EEFSEC: variants seen among roughly 807,000 people sequenced by gnomAD.
EEFSEC encodes selenocysteine-specific elongation factor.
In EEFSEC, 43 loss-of-function variants were observed where a neutral mutation model predicts 42.1. The ratio of observed to expected loss-of-function variants is 1.02; its 90% confidence interval spans 0.80 to 1.32. The LOEUF is 1.32. EEFSEC is among the 40% of genes most tolerant of loss of function. The pLI, the probability that EEFSEC is intolerant of heterozygous loss-of-function variation, is 0.00. For synonymous variants in EEFSEC, 354 were observed against 339.1 expected (o/e 1.04, Z -0.48); for missense variants, 745 against 803.6 (o/e 0.93, Z 0.88).
chr3:128,295,165 G>C (rs1167939363), intron 4 of EEFSEC, among the ~76,000 whole-genome samples: 2 of 152,146 alleles, frequency 1.3e-5, no homozygotes, highest in East Asian at 3.9e-4. Context: ...CTGATTCCAG[G>C]CACCCCCAAA....
At chr3:128,295,134 G>A (rs2066689051) in intron 4 of EEFSEC, among the ~76,000 whole-genome samples, 2 of 152,168 alleles carry the variant, frequency 1.3e-5, no homozygotes, top group Admixed American at 6.5e-5. Flanking sequence ...AACAAAAAGA[G>A]GCCAATGCAA....
chr3:128,171,888 A>G (rs2065303111), intron 1 of EEFSEC, among the ~76,000 whole-genome samples: 1 of 152,190 alleles, frequency 6.6e-6, no homozygotes, highest in Non-Finnish European at 1.5e-5. Context: ...AAAAAATGAT[A>G]TGTTTAAAAA....
chr3:128,380,173 C>A (rs915361174), intron 6 of EEFSEC, among the ~76,000 whole-genome samples: 2 of 152,200 alleles, frequency 1.3e-5, no homozygotes, highest in Non-Finnish European at 2.9e-5. Flanking sequence ...GTGGGCACCC[C>A]GATACCCACT....
chr3:128,406,057 C>T (rs555988157), intron 6 of EEFSEC, among the ~76,000 whole-genome samples: 1 of 152,348 alleles, frequency 6.6e-6, no homozygotes, highest in Admixed American at 6.5e-5. Flanking sequence ...CCACCAGGAC[C>T]CCCCAGTGGG....
chr3:128,177,117 C>T (rs1258139408), intron 1 of EEFSEC, among the ~76,000 whole-genome samples: 2 of 152,020 alleles, frequency 1.3e-5, no homozygotes, highest in Non-Finnish European at 2.9e-5. Flanking sequence ...CTGCCTCAGC[C>T]TCCTAGGTAG....
At chr3:128,315,903 G>A (rs1291730913) in intron 4 of EEFSEC, among the ~76,000 whole-genome samples, 1 of 152,148 alleles carries the variant, frequency 6.6e-6, no homozygotes, top group Non-Finnish European at 1.5e-5. Context: ...TATTTCTGAT[G>A]CATTCTGGTA....
At chr3:128,172,151 G>C (rs1430597734) in intron 1 of EEFSEC, among the ~76,000 whole-genome samples, 1 of 152,190 alleles carries the variant, frequency 6.6e-6, no homozygotes, top group African/African-American at 2.4e-5. Context: ...TGCAAGAATT[G>C]GGATCTCATA....
intron 2 of EEFSEC, among the ~76,000 whole-genome samples, chr3:128,251,746 T>A (rs2066189390): frequency 6.6e-6 from 1 of 152,200 alleles, no homozygotes; most frequent in Admixed American, 6.5e-5. Context: ...GCATTTGTTG[T>A]CTTTCCATTT....
chr3:128,285,333 T>C (rs2066572575), intron 4 of EEFSEC, among the ~76,000 whole-genome samples: 1 of 152,122 alleles, frequency 6.6e-6, no homozygotes, highest in African/African-American at 2.4e-5. Context: ...GAAAGCCCAG[T>C]GCTGTCAGAG....
intron 4 of EEFSEC, among the ~76,000 whole-genome samples, chr3:128,320,086 T>C (rs1438971906): frequency 6.6e-6 from 1 of 152,246 alleles, no homozygotes; most frequent in Non-Finnish European, 1.5e-5. Flanking sequence ...GCCTGCCACC[T>C]GTTTTGATAA....
intron 1 of EEFSEC, among the ~76,000 whole-genome samples, chr3:128,159,426 G>A (rs749340697): frequency 6.6e-6 from 1 of 152,188 alleles, no homozygotes; most frequent in Non-Finnish European, 1.5e-5. Flanking sequence ...CCCCCTGCCT[G>A]CTTATTCTCC....
At chr3:128,380,757 C>A (rs1362187741) in intron 6 of EEFSEC, among the ~76,000 whole-genome samples, 1 of 152,236 alleles carries the variant, frequency 6.6e-6, no homozygotes, top group Non-Finnish European at 1.5e-5. Flanking sequence ...ACACCTGCGA[C>A]CTGTTGGGTG....
chr3:128,389,084 C>T (rs1346946108), intron 6 of EEFSEC, among the ~76,000 whole-genome samples: 2 of 152,180 alleles, frequency 1.3e-5, no homozygotes, highest in African/African-American at 4.8e-5. Flanking sequence ...TGCCCTGGGC[C>T]GAGGCAGCCT....
intron 1 of EEFSEC, among the ~76,000 whole-genome samples, chr3:128,244,669 G>A (rs1486564323): frequency 6.6e-6 from 1 of 152,070 alleles, no homozygotes. Context: ...CTCATCTTTG[G>A]TCTCCCAGCA....
At chr3:128,300,896 G>A (rs2066760025) in intron 4 of EEFSEC, among the ~76,000 whole-genome samples, 2 of 148,100 alleles carry the variant, frequency 1.4e-5, no homozygotes, top group African/African-American at 2.4e-5. Context: ...ACTATACTGT[G>A]CTTATTGTTC....
chr3:128,414,589 C>T, the EEFSEC span, among the ~76,000 whole-genome samples: 3 of 152,218 alleles, frequency 2.0e-5, no homozygotes, highest in Non-Finnish European at 2.9e-5. Context: ...CTCTCCCAAG[C>T]CAGTTACCCA....
intron 2 of EEFSEC, among the ~76,000 whole-genome samples, chr3:128,258,330 C>T (rs1035386585): frequency 8.5e-5 from 13 of 152,126 alleles, no homozygotes; most frequent in Admixed American, 6.5e-4. Context: ...ATCCCAGCAC[C>T]GTGGGAAGGA....
At chr3:128,216,881 C>G (rs575348550) in intron 1 of EEFSEC, among the ~76,000 whole-genome samples, 1 of 152,076 alleles carries the variant, frequency 6.6e-6, no homozygotes, top group Admixed American at 6.5e-5. Context: ...GTCTTTGTTC[C>G]CTGGCTTTGG....
At chr3:128,161,881 C>T (rs1403133700) in intron 1 of EEFSEC, among the ~76,000 whole-genome samples, 2 of 152,148 alleles carry the variant, frequency 1.3e-5, no homozygotes, top group East Asian at 1.9e-4. Flanking sequence ...CACATATCCC[C>T]GGAAAGCAGC....
Sources: gnomAD v4.1 joint callset for allele counts (sites outside exome capture counted in the v4.1 genomes callset) on GRCh38, gnomAD v4.1.1 for gene constraint, MANE v1.5 for transcripts, NCBI Gene and HGNC (gene_info 2026-07-23, HGNC 2026-07-21) for gene names.